Variants in DLC1 observed in about 807,000 individuals in gnomAD.
The protein encoded by DLC1 is DLC1 Rho GTPase activating protein, also known as rho GTPase-activating protein 7.
DLC1 carries 54 observed loss-of-function variants against 140.3 expected under a neutral mutation model. The ratio of observed to expected loss-of-function variants is 0.38; its 90% CI spans 0.31 to 0.48. DLC1 has a LOEUF of 0.48. Ranked by LOEUF, DLC1 falls within the 20% of genes least tolerant of loss-of-function variation. DLC1 has a pLI of 0.96. For synonymous variants in DLC1, 986 were observed against 728.1 expected (o/e 1.35, Z -5.70); for missense variants, 2,536 against 1,907.0 (o/e 1.33, Z -6.14).
At chr8:13,436,838 G>C (rs1302811252) in intron 2 of DLC1, among the ~76,000 whole-genome samples, 7 of 151,990 alleles carry the variant, frequency 4.6e-5, no homozygotes, top group Non-Finnish European at 8.8e-5. Context: ...TGACTACTGG[G>C]TGCTCACACA....
intron 2 of DLC1, among the ~76,000 whole-genome samples, chr8:13,476,271 T>C (rs1800429094): frequency 6.6e-6 from 1 of 152,208 alleles, no homozygotes; most frequent in Non-Finnish European, 1.5e-5. Flanking sequence ...CGTGATATTT[T>C]AAATCATTAT....
intron 5 of DLC1, among the ~76,000 whole-genome samples, chr8:13,172,849 G>C (rs1013385606): frequency 4.6e-5 from 7 of 152,150 alleles, no homozygotes; most frequent in Admixed American, 1.3e-4. Context: ...TCAAATCCTA[G>C]CTTACTCTCA....
intron 2 of DLC1, among the ~76,000 whole-genome samples, chr8:13,444,675 G>T (rs1308505180): frequency 6.6e-6 from 1 of 152,110 alleles, no homozygotes; most frequent in Non-Finnish European, 1.5e-5. Context: ...TCTTGACACA[G>T]TTATTTTTCA....
intron 4 of DLC1, among the ~76,000 whole-genome samples, chr8:13,327,106 C>T (rs1299916469): frequency 6.6e-6 from 1 of 150,980 alleles, no homozygotes; most frequent in African/African-American, 2.4e-5. Context: ...AGGCGCCCGC[C>T]ACCACACCCG....
At chr8:13,442,085 G>C (rs1358393498) in intron 2 of DLC1, among the ~76,000 whole-genome samples, 2 of 152,106 alleles carry the variant, frequency 1.3e-5, no homozygotes, top group South Asian at 2.1e-4. Context: ...ACAAACCTGA[G>C]AAAAACAAGA....
intron 1 of DLC1, among the ~76,000 whole-genome samples, chr8:13,544,307 C>T (rs1160554): frequency 0.19 from 28,423 of 151,958 alleles, 3,005 homozygotes; most frequent in Admixed American, 0.25. Flanking sequence ...GGTCTTGGAG[C>T]AGCCAAAATA....
intron 2 of DLC1, among the ~76,000 whole-genome samples, chr8:13,406,715 T>C (rs1414450513): frequency 2.6e-5 from 4 of 152,168 alleles, no homozygotes; most frequent in African/African-American, 9.7e-5. Flanking sequence ...GTGCCCAGAA[T>C]TAAATATATT....
intron 2 of DLC1, among the ~76,000 whole-genome samples, chr8:13,417,106 A>G (rs565519904): frequency 9.8e-5 from 15 of 152,296 alleles, no homozygotes; most frequent in African/African-American, 3.1e-4. Context: ...AGATGACTTT[A>G]AATAGATCAA....
chr8:13,150,020 C>T (rs1035620684), intron 5 of DLC1, among the ~76,000 whole-genome samples: 1 of 152,178 alleles, frequency 6.6e-6, no homozygotes, highest in African/African-American at 2.4e-5. Flanking sequence ...TTACATCAGC[C>T]ATTTGTCTCT....
At chr8:13,181,665 C>A (rs1032493539) in intron 5 of DLC1, among the ~76,000 whole-genome samples, 1 of 151,856 alleles carries the variant, frequency 6.6e-6, no homozygotes, top group African/African-American at 2.4e-5. Context: ...AGGACATGAA[C>A]TCATCCTTTT....
chr8:13,144,386 A>G (rs1389469799), intron 5 of DLC1, among the ~76,000 whole-genome samples: 3 of 152,288 alleles, frequency 2.0e-5, no homozygotes, highest in East Asian at 1.9e-4. Flanking sequence ...GAGCCGTGCT[A>G]TCAGCTTCCT....
At chr8:13,113,861 A>G (rs1820317732) in intron 6 of DLC1, among the ~76,000 whole-genome samples, 1 of 152,276 alleles carries the variant, frequency 6.6e-6, no homozygotes, top group Admixed American at 6.5e-5. Flanking sequence ...CGGTCTAACA[A>G]TAAAACAATT....
At chr8:13,225,743 G>C (rs1034729865) in intron 5 of DLC1, among the ~76,000 whole-genome samples, 2 of 151,570 alleles carry the variant, frequency 1.3e-5, no homozygotes, top group African/African-American at 4.8e-5. Flanking sequence ...AGCCTCCTGA[G>C]TAGCTGGGAC....
rs769938928 is a variant in DLC1 at position 13,092,646 on chromosome 8, G to C, written c.3706C>G (p.Leu1236Val). 16 of 1,614,090 alleles carry C rather than the reference G, an allele frequency of 9.9e-6. No homozygotes were observed. The highest frequency in any genetic ancestry group is 1.3e-5 in the African/African-American group (1 of 74,936). ...GAATTCTCTCTCTTCAGGGTGTTGA[G>C]ATGGAAGAGGGAAGGCGCTAAGCAC... is the stretch of plus-strand genomic sequence containing the variant. Reference protein sequence around the residue: ...AVCLAPSLFHLNTLKRENSSP... With the variant: ...AVCLAPSLFHVNTLKRENSSP... The change falls in exon 13 of 18, where the codon CTC (leucine) becomes GTC (valine). Residue 1236 changes from leucine (L) to valine (V), a missense_variant. Coordinates refer to ENST00000276297, the MANE Select transcript of DLC1 (RefSeq NM_182643.3).
At chr8:13,572,342 G>T (rs532023225) in intron 1 of DLC1, among the ~76,000 whole-genome samples, 3 of 152,210 alleles carry the variant, frequency 2.0e-5, no homozygotes, top group African/African-American at 7.2e-5. Context: ...ACCTGCCTTG[G>T]TGTCCCAAAG....
Position 13,443,152 on chromosome 8 carries a change from A to C in DLC1, c.1024-41533T>G, listed in dbSNP as rs867506246. Among the ~76,000 whole-genome samples the C allele has an allele frequency of 4.1e-4, 62 of 150,968 alleles. 1 individual carries two copies. In the Middle Eastern group the frequency reaches 0.014, roughly 33 times the overall value. On this transcript the variant is annotated intron_variant, in intron 2 of 17. Coordinates refer to ENST00000276297, the MANE Select transcript of DLC1 (RefSeq NM_182643.3). Reference sequence around the variant, plus strand: ...TCTGACTCATAGGTGGGAATTGAACAATGAGAACACATGGACACAGGAAGG... The same window carrying C: ...TCTGACTCATAGGTGGGAATTGAACCATGAGAACACATGGACACAGGAAGG...
chr8:13,228,242 C>T (rs1032807336), intron 5 of DLC1, among the ~76,000 whole-genome samples: 3 of 150,958 alleles, frequency 2.0e-5, no homozygotes, highest in African/African-American at 7.3e-5. Context: ...CTGAAATATG[C>T]TTTATTTCCT....
chr8:13,092,502 A>G, intron 13 of DLC1, 110 bp downstream of exon 13: 4 of 1,238,430 alleles, frequency 3.2e-6, no homozygotes, highest in Non-Finnish European at 4.5e-6. Flanking sequence ...ATAGCGGTCT[A>G]ACCTTCTTGC....
chr8:13,090,860 G>C (rs1818003735), intron 14 of DLC1, among the ~76,000 whole-genome samples: 2 of 148,322 alleles, frequency 1.3e-5, no homozygotes. Flanking sequence ...GTGGAGTGCA[G>C]TGGCAAAATA....
Sources: gnomAD v4.1 joint callset for allele counts (sites outside exome capture counted in the v4.1 genomes callset) on GRCh38, gnomAD v4.1.1 for gene constraint, MANE v1.5 for transcripts, NCBI Gene and HGNC (gene_info 2026-07-23, HGNC 2026-07-21) for gene names.